POU6F2: variants seen among roughly 807,000 people sequenced by gnomAD.
POU6F2 encodes the protein POU class 6 homeobox 2, also known as POU domain, class 6, transcription factor 2.
A neutral mutation model predicts 71.3 loss-of-function variants in POU6F2; 31 were observed. The observed-to-expected ratio is 0.43, with a 90% CI of 0.33 to 0.59. The LOEUF is 0.59. Among genes scored for constraint, POU6F2 ranks in the 20% least tolerant of loss-of-function variants. POU6F2 has a pLI of 0.04. For synonymous variants in POU6F2, 347 were observed against 355.7 expected (o/e 0.98, Z 0.27); for missense variants, 783 against 856.8 (o/e 0.91, Z 1.07).
chr7:39,159,126 C>T (rs905063235), intron 2 of POU6F2, among the ~76,000 whole-genome samples: 13 of 151,770 alleles, frequency 8.6e-5, no homozygotes, highest in Non-Finnish European at 1.9e-4. Context: ...TGTAGTGAGC[C>T]GAGATGGTGC....
At chr7:39,149,784 CCAT>C (rs1792707469) in intron 2 of POU6F2, among the ~76,000 whole-genome samples, 2 of 152,118 alleles carry the variant, frequency 1.3e-5, no homozygotes, top group South Asian at 4.1e-4. Flanking sequence ...AAAATATTCC[CCAT>C]ATAAATGAGA....
chr7:39,204,973 G>A (rs940917062), intron 3 of POU6F2, among the ~76,000 whole-genome samples: 4 of 149,976 alleles, frequency 2.7e-5, no homozygotes, highest in Non-Finnish European at 5.9e-5. Flanking sequence ...TGCTTTTTTG[G>A]AAAGAGAAGC....
chr7:39,158,871 C>A (rs1306642564), intron 2 of POU6F2, among the ~76,000 whole-genome samples: 2 of 152,042 alleles, frequency 1.3e-5, no homozygotes, highest in Admixed American at 1.3e-4. Context: ...AAGTTGACAT[C>A]AAAAAATTAA....
At chr7:39,320,117 G>A (rs1785353354) in intron 4 of POU6F2, among the ~76,000 whole-genome samples, 1 of 152,216 alleles carries the variant, frequency 6.6e-6, no homozygotes, top group African/African-American at 2.4e-5. Context: ...GGGGCAGAGA[G>A]GCTTTAACTC....
chr7:39,282,026 A>G (rs143315463), intron 4 of POU6F2, among the ~76,000 whole-genome samples: 25 of 151,996 alleles, frequency 1.6e-4, no homozygotes, highest in Non-Finnish European at 2.4e-4. Flanking sequence ...TTTGATTTGC[A>G]TTTTCCTGAT....
At chr7:39,079,884 TTGTC>T (rs1184632858) in intron 1 of POU6F2, among the ~76,000 whole-genome samples, 1 of 152,210 alleles carries the variant, frequency 6.6e-6, no homozygotes, top group Non-Finnish European at 1.5e-5. Flanking sequence ...ATGGAAATTT[TTGTC>T]TGTTGAATAT....
chr7:39,446,863 C>G (rs1788535223), intron 7 of POU6F2, among the ~76,000 whole-genome samples: 1 of 152,152 alleles, frequency 6.6e-6, no homozygotes, highest in Non-Finnish European at 1.5e-5. Flanking sequence ...ACACTGGGCT[C>G]ACAGCTCAAA....
At chr7:39,016,561 C>T (rs183295356) in intron 1 of POU6F2, among the ~76,000 whole-genome samples, 72 of 152,146 alleles carry the variant, frequency 4.7e-4, no homozygotes, top group Middle Eastern at 3.4e-3. Context: ...GCTCCCCCCC[C>T]GCTTACAGTT....
intron 4 of POU6F2, among the ~76,000 whole-genome samples, chr7:39,278,420 G>C (rs913282746): frequency 6.6e-6 from 1 of 152,118 alleles, no homozygotes; most frequent in African/African-American, 2.4e-5. Flanking sequence ...CGATCAGACA[G>C]AGTCCAAGTG....
chr7:39,063,949 A>T (rs962300163), intron 1 of POU6F2, among the ~76,000 whole-genome samples: 1 of 152,128 alleles, frequency 6.6e-6, no homozygotes, highest in Admixed American at 6.5e-5. Context: ...ACAGAAATAC[A>T]TTATCAGATA....
chr7:39,227,713 C>T (rs1251031593), intron 4 of POU6F2, among the ~76,000 whole-genome samples: 1 of 152,106 alleles, frequency 6.6e-6, no homozygotes, highest in Non-Finnish European at 1.5e-5. Context: ...CGCCACCACG[C>T]TTGGCTAATT....
In POU6F2 at chr7:39,111,615, G is replaced by A. The variant is rs187559982; in HGVS notation, c.277+25584G>A. 7.2e-5 allele frequency among the ~76,000 whole-genome samples: 11 copies of A among 151,836 alleles called. No homozygotes were observed. The East Asian group carries it at 2.1e-3, about 29-fold the overall frequency. ...CTTAAATACATTAGATATAGGTACA[G>A]ATAAAAAATAGATATAGAGATATAG... On this transcript the variant is annotated intron_variant, in intron 2 of 9. Coordinates refer to ENST00000518318, the MANE Select transcript of POU6F2 (RefSeq NM_001370959.1).
Position 39,350,139 on chromosome 7 carries a change from C to T in POU6F2, c.972+10124C>T, listed in dbSNP as rs556322259. Among the ~76,000 whole-genome samples the T allele has an allele frequency of 2.0e-5, 3 of 152,004 alleles. No individual in the cohort carries two copies. The East Asian group carries it at 5.8e-4, about 29-fold the overall frequency. ...TTCGACAGGGCTCAGCCCAGCACCT[C>T]CACTTAGTTTTCTACACCAGGAGAT... On this transcript the variant is annotated intron_variant, in intron 5 of 9. Transcript: ENST00000518318.
At chr7:39,459,600 G>A (rs759587668) in intron 8 of POU6F2, among the ~76,000 whole-genome samples, 1 of 152,088 alleles carries the variant, frequency 6.6e-6, no homozygotes, top group South Asian at 2.1e-4. Flanking sequence ...GGGCTATTGC[G>A]CAGAAAAAGG....
At chr7:39,024,934 A>G (rs1444897431) in intron 1 of POU6F2, among the ~76,000 whole-genome samples, 5 of 152,100 alleles carry the variant, frequency 3.3e-5, no homozygotes, top group Non-Finnish European at 7.4e-5. Flanking sequence ...TTTTTGCATC[A>G]ATGTTTATCA....
At chr7:39,389,974 A>G (rs986905456) in intron 5 of POU6F2, among the ~76,000 whole-genome samples, 7 of 152,160 alleles carry the variant, frequency 4.6e-5, no homozygotes, top group African/African-American at 9.7e-5. Flanking sequence ...TGTTTAATAC[A>G]TGTGCTTCCT....
chr7:39,032,164 T>C (rs1197934019), intron 1 of POU6F2, among the ~76,000 whole-genome samples: 1 of 152,276 alleles, frequency 6.6e-6, no homozygotes, highest in Non-Finnish European at 1.5e-5. Context: ...CCAGTGGGCA[T>C]TGGATGTTGG....
chr7:38,983,854 G>A (rs1379042244), intron 1 of POU6F2, among the ~76,000 whole-genome samples: 1 of 152,042 alleles, frequency 6.6e-6, no homozygotes, highest in East Asian at 1.9e-4. Context: ...AAACATCTTT[G>A]ATTATTTACA....
intron 5 of POU6F2, among the ~76,000 whole-genome samples, chr7:39,401,788 A>C (rs1470371270): frequency 6.6e-6 from 1 of 152,222 alleles, no homozygotes; most frequent in Non-Finnish European, 1.5e-5. Context: ...CAGGGTTCTA[A>C]ATTGAAAAGT....
Sources: gnomAD v4.1 joint callset for allele counts (sites outside exome capture counted in the v4.1 genomes callset) on GRCh38, gnomAD v4.1.1 for gene constraint, MANE v1.5 for transcripts, NCBI Gene and HGNC (gene_info 2026-07-23, HGNC 2026-07-21) for gene names.